Variants in SLC24A3 observed in about 807,000 individuals in gnomAD.
SLC24A3 encodes solute carrier family 24 member 3.
A neutral mutation model predicts 75.8 loss-of-function variants in SLC24A3; 28 were observed. The observed-to-expected ratio is 0.37, with a 90% CI of 0.27 to 0.51. The LOEUF (loss-of-function observed/expected upper bound fraction) is 0.51, where lower values mean the gene tolerates loss of function less well. Ranked by LOEUF, SLC24A3 falls within the 20% of genes least tolerant of loss-of-function variation. SLC24A3 has a pLI of 0.94. For synonymous variants in SLC24A3, 372 were observed against 334.1 expected (o/e 1.11, Z -1.24); for missense variants, 663 against 847.8 (o/e 0.78, Z 2.71).
intron 3 of SLC24A3, among the ~76,000 whole-genome samples, chr20:19,551,988 C>T (rs1036620527): frequency 2.0e-5 from 3 of 152,204 alleles, no homozygotes; most frequent in Non-Finnish European, 4.4e-5. Flanking sequence ...GGGCTACTCA[C>T]GTCGCCACTG....
intron 3 of SLC24A3, among the ~76,000 whole-genome samples, chr20:19,544,741 C>T (rs1385256909): frequency 6.6e-6 from 1 of 152,194 alleles, no homozygotes; most frequent in African/African-American, 2.4e-5. Flanking sequence ...TCCTCTTTCT[C>T]TCTCCACATT....
chr20:19,245,571 A>C (rs1982463032), intron 1 of SLC24A3, among the ~76,000 whole-genome samples: 1 of 152,188 alleles, frequency 6.6e-6, no homozygotes, highest in Non-Finnish European at 1.5e-5. Flanking sequence ...AAGATAATAC[A>C]TTCACAACAC....
chr20:19,637,675 G>A (rs1235378075), intron 6 of SLC24A3, among the ~76,000 whole-genome samples: 2 of 152,142 alleles, frequency 1.3e-5, no homozygotes, highest in East Asian at 3.9e-4. Flanking sequence ...AGAGGATGAC[G>A]GATTAGAATG....
chr20:19,303,803 G>A (rs929980093), intron 2 of SLC24A3, among the ~76,000 whole-genome samples: 2 of 152,186 alleles, frequency 1.3e-5, no homozygotes. Context: ...TATCCCTGAG[G>A]CTAAGTCTTG....
At chr20:19,570,283 G>T (rs950381165) in intron 3 of SLC24A3, among the ~76,000 whole-genome samples, 2 of 152,158 alleles carry the variant, frequency 1.3e-5, no homozygotes, top group Non-Finnish European at 2.9e-5. Context: ...GGAGATGTCT[G>T]CCCCTATGAT....
At chr20:19,215,818 T>A (rs925381671) in intron 1 of SLC24A3, among the ~76,000 whole-genome samples, 1 of 152,260 alleles carries the variant, frequency 6.6e-6, no homozygotes, top group Non-Finnish European at 1.5e-5. Context: ...TTTGGTTATA[T>A]ACTGAAAACA....
At chr20:19,269,429 G>A (rs1338945063) in intron 1 of SLC24A3, among the ~76,000 whole-genome samples, 1 of 152,248 alleles carries the variant, frequency 6.6e-6, no homozygotes, top group African/African-American at 2.4e-5. Context: ...CTCAGGCCAG[G>A]TGGTCAAAGA....
At chr20:19,547,433 A>C (rs879198962) in intron 3 of SLC24A3, among the ~76,000 whole-genome samples, 22 of 152,208 alleles carry the variant, frequency 1.4e-4, no homozygotes, top group Admixed American at 1.4e-3. Flanking sequence ...GGGGTGATGG[A>C]AGTGTTCTAA....
intron 3 of SLC24A3, among the ~76,000 whole-genome samples, chr20:19,569,001 G>C (rs555002924): frequency 7.2e-5 from 11 of 152,156 alleles, no homozygotes; most frequent in African/African-American, 2.6e-4. Context: ...TTAAGAAAAC[G>C]AATACATAAG....
At chr20:19,269,847 C>A (rs1393710505) in intron 1 of SLC24A3, among the ~76,000 whole-genome samples, 1 of 152,208 alleles carries the variant, frequency 6.6e-6, no homozygotes, top group African/African-American at 2.4e-5. Context: ...TGAGACCCAG[C>A]AGGCTCATTC....
At chr20:19,543,863 G>A (rs2030543693) in intron 3 of SLC24A3, among the ~76,000 whole-genome samples, 2 of 152,154 alleles carry the variant, frequency 1.3e-5, no homozygotes, top group African/African-American at 4.8e-5. Flanking sequence ...TAAAGAATGA[G>A]GTTTATCTTA....
chr20:19,422,274 C>T (rs1387977952), intron 2 of SLC24A3, among the ~76,000 whole-genome samples: 1 of 152,188 alleles, frequency 6.6e-6, no homozygotes, highest in Non-Finnish European at 1.5e-5. Context: ...CCGCACTAAA[C>T]AGGTGTTGGG....
At chr20:19,305,146 T>C (rs74906060) in intron 2 of SLC24A3, among the ~76,000 whole-genome samples, 4,717 of 152,234 alleles carry the variant, frequency 0.031, 237 homozygotes, top group African/African-American at 0.1. Flanking sequence ...GTGTCCATTC[T>C]TTCTGTGCAG....
intron 6 of SLC24A3, among the ~76,000 whole-genome samples, chr20:19,590,237 A>C (rs529509011): frequency 8.9e-4 from 135 of 152,168 alleles, no homozygotes; most frequent in Non-Finnish European, 1.5e-3. Flanking sequence ...TTATACTCAG[A>C]TGGCATCTCC....
intron 13 of SLC24A3, 48 bp from the exon 14 acceptor site, chr20:19,696,749 G>A (rs1220963867): frequency 7.5e-7 from 1 of 1,329,538 alleles, no homozygotes; most frequent in African/African-American, 1.4e-5. Flanking sequence ...ATGGGCAGGT[G>A]GGGCTTGAGG....
chr20:19,491,697 G>T (rs1009527125), intron 2 of SLC24A3, among the ~76,000 whole-genome samples: 5 of 152,170 alleles, frequency 3.3e-5, no homozygotes, highest in African/African-American at 1.2e-4. Context: ...TCAAGAGGAG[G>T]ACTTGTTTGC....
intron 2 of SLC24A3, among the ~76,000 whole-genome samples, chr20:19,415,646 A>C (rs1349577934): frequency 1.3e-5 from 2 of 149,768 alleles, no homozygotes; most frequent in Non-Finnish European, 3.0e-5. Context: ...ATAAAGCTTA[A>C]AAAAAAAAAA....
intron 3 of SLC24A3, among the ~76,000 whole-genome samples, chr20:19,563,321 A>G (rs1040881327): frequency 7.2e-5 from 11 of 152,180 alleles, no homozygotes; most frequent in African/African-American, 2.7e-4. Context: ...CTAAATATTA[A>G]ATATTAAAAC....
chr20:19,437,477 A>G (rs969433847), intron 2 of SLC24A3, among the ~76,000 whole-genome samples: 1 of 152,210 alleles, frequency 6.6e-6, no homozygotes, highest in African/African-American at 2.4e-5. Context: ...TAAATTACCC[A>G]GTCCTGCGTA....
Sources: gnomAD v4.1 joint callset for allele counts (sites outside exome capture counted in the v4.1 genomes callset) on GRCh38, gnomAD v4.1.1 for gene constraint, MANE v1.5 for transcripts, NCBI Gene and HGNC (gene_info 2026-07-23, HGNC 2026-07-21) for gene names.